CACHD1: variants seen among roughly 807,000 people sequenced by gnomAD.
CACHD1 encodes the protein cache domain containing 1.
CACHD1 carries 71 observed loss-of-function variants against 138.7 expected under a neutral mutation model. The ratio of observed to expected loss-of-function variants is 0.51; its 90% CI spans 0.42 to 0.62. The LOEUF (loss-of-function observed/expected upper bound fraction) is 0.62, where lower values mean the gene tolerates loss of function less well. CACHD1 is among the 20% of genes least tolerant of loss of function. The probability of loss-of-function intolerance (pLI) is 0.00; values close to 1 mark genes in which losing one functional copy is unlikely to be tolerated. For synonymous variants in CACHD1, 578 were observed against 591.5 expected (o/e 0.98, Z 0.33); for missense variants, 1,389 against 1,625.3 (o/e 0.85, Z 2.50).
At chr1:64,520,653 G>T (rs996640681) in intron 1 of CACHD1, among the ~76,000 whole-genome samples, 1 of 152,176 alleles carries the variant, frequency 6.6e-6, no homozygotes, top group East Asian at 1.9e-4. Flanking sequence ...CTAATGTCAC[G>T]CTGTAGGAGT....
intron 2 of CACHD1, among the ~76,000 whole-genome samples, chr1:64,552,476 T>G (rs530071904): frequency 2.8e-4 from 42 of 150,188 alleles, no homozygotes; most frequent in East Asian, 1.2e-3. Flanking sequence ...GTTTTGTTTT[T>G]TTTTTTTTTT....
intron 4 of CACHD1, among the ~76,000 whole-genome samples, chr1:64,605,070 G>A (rs929979865): frequency 3.3e-5 from 5 of 149,648 alleles, no homozygotes; most frequent in South Asian, 2.1e-4. Flanking sequence ...GGGTTCAAGC[G>A]ATTCTCCTGC....
chr1:64,580,962 T>A (rs922093620), intron 2 of CACHD1, among the ~76,000 whole-genome samples: 2 of 152,176 alleles, frequency 1.3e-5, no homozygotes, highest in African/African-American at 2.4e-5. Flanking sequence ...GTATTGTGAG[T>A]CATTTTGTAC....
intron 3 of CACHD1, among the ~76,000 whole-genome samples, chr1:64,592,801 C>G (rs1647117760): frequency 6.6e-6 from 1 of 152,110 alleles, no homozygotes; most frequent in Non-Finnish European, 1.5e-5. Context: ...AGTTGCTTGT[C>G]AAGTTGGGCC....
chr1:64,680,568 C>T (rs1650142381), intron 24 of CACHD1, among the ~76,000 whole-genome samples: 2 of 152,006 alleles, frequency 1.3e-5, no homozygotes. Context: ...AGTATCTATA[C>T]TCTGTTTAAG....
At chr1:64,480,287 G>C (rs2100271651) in intron 1 of CACHD1, among the ~76,000 whole-genome samples, 1 of 152,316 alleles carries the variant, frequency 6.6e-6, no homozygotes, top group East Asian at 1.9e-4. Flanking sequence ...GAGCACACCA[G>C]TAGTAAGTGA....
rs372942566 is a variant in CACHD1, at chr1:64,663,228, C to T, written c.1952-467C>T. On this transcript the variant is annotated intron_variant, in intron 13 of 26. Coordinates refer to ENST00000651257, the MANE Select transcript of CACHD1 (RefSeq NM_020925.4). ...ACTGGTTCATTCTTAGGACTGTAAG[C>T]TCCCTGAAGGGAGAGAATGTGGCCC... 9.5e-5 allele frequency among the ~76,000 whole-genome samples: 14 copies of T among 147,956 alleles called. 1 individual carries two copies. The highest frequency in any genetic ancestry group is 5.4e-4 in the Admixed American group (8 of 14,804).
In CACHD1 at chr1:64,554,739, A is replaced by G. The variant is rs1646783886; in HGVS notation, c.261+4083A>G. 2.0e-5 allele frequency among the ~76,000 whole-genome samples: 3 copies of G among 152,186 alleles called. No homozygotes were observed. In the South Asian group the frequency reaches 6.2e-4, roughly 31 times the overall value. On this transcript the variant is annotated intron_variant, in intron 2 of 26. Transcript: ENST00000651257. ...AGTTTAAAAATGCTGTATATGTTCTAGATCAGTGCTGTCCAAAGAGAACTT... is the reference window on the plus strand; with the variant it reads ...AGTTTAAAAATGCTGTATATGTTCTGGATCAGTGCTGTCCAAAGAGAACTT...
chr1:64,472,435 G>A (rs1028165546), intron 1 of CACHD1, among the ~76,000 whole-genome samples: 1 of 152,190 alleles, frequency 6.6e-6, no homozygotes, highest in Non-Finnish European at 1.5e-5. Flanking sequence ...ACTGAGGAGT[G>A]GATGGATTTT....
At chr1:64,644,493 T>C (rs1570446640) in intron 8 of CACHD1, among the ~76,000 whole-genome samples, 2 of 152,240 alleles carry the variant, frequency 1.3e-5, no homozygotes, top group African/African-American at 4.8e-5. Context: ...GGCAGATACT[T>C]CTTTACTTCC....
chr1:64,631,666 T>C (rs886843887), intron 5 of CACHD1, among the ~76,000 whole-genome samples: 2 of 152,206 alleles, frequency 1.3e-5, no homozygotes, highest in African/African-American at 2.4e-5. Context: ...AAACTGTGAA[T>C]AGAGACCTCA....
chr1:64,573,885 G>C (rs1646945930), intron 2 of CACHD1, among the ~76,000 whole-genome samples: 1 of 152,228 alleles, frequency 6.6e-6, no homozygotes, highest in Non-Finnish European at 1.5e-5. Context: ...ATGTCACACA[G>C]TGCCCTAAAC....
intron 4 of CACHD1, among the ~76,000 whole-genome samples, chr1:64,627,380 C>A (rs987338980): frequency 3.9e-5 from 6 of 152,136 alleles, no homozygotes; most frequent in African/African-American, 1.4e-4. Context: ...GCATTCCCAC[C>A]TGGGCGACAG....
intron 2 of CACHD1, among the ~76,000 whole-genome samples, chr1:64,556,246 A>G (rs1000405944): frequency 6.6e-6 from 1 of 152,214 alleles, no homozygotes; most frequent in Non-Finnish European, 1.5e-5. Flanking sequence ...GCAATTCACC[A>G]GTTTCCCCAC....
intron 4 of CACHD1, among the ~76,000 whole-genome samples, chr1:64,611,892 C>G (rs1647545354): frequency 6.6e-6 from 1 of 152,208 alleles, no homozygotes. Flanking sequence ...CTACATGAGA[C>G]TGAGGAGTTT....
At chr1:64,558,344 TG>T (rs1405920282) in intron 2 of CACHD1, among the ~76,000 whole-genome samples, 2 of 152,356 alleles carry the variant, frequency 1.3e-5, no homozygotes, top group Admixed American at 1.3e-4. Context: ...AAGATCCCCA[TG>T]GGCCCTCACC....
At chr1:64,648,659 TTTG>T (rs1274050298) in intron 9 of CACHD1, among the ~76,000 whole-genome samples, 6 of 152,232 alleles carry the variant, frequency 3.9e-5, no homozygotes, top group Admixed American at 3.3e-4. Flanking sequence ...GTATTTTACC[TTTG>T]TTGTTATCAT....
At chr1:64,662,584 A>G (rs1376221241) in intron 13 of CACHD1, among the ~76,000 whole-genome samples, 2 of 152,208 alleles carry the variant, frequency 1.3e-5, no homozygotes, top group Non-Finnish European at 2.9e-5. Flanking sequence ...AGAACTAACA[A>G]AAGGAGTAGA....
rs372100621 is a variant in CACHD1 at position 64,688,219 on chromosome 1, A to G, written c.3587-3104A>G. Among the ~76,000 whole-genome samples the G allele has an allele frequency of 1.1e-4, 17 of 152,230 alleles. 1 individual carries two copies. In the East Asian group the frequency reaches 1.4e-3, roughly 12 times the overall value. ...AGCAGAGACGGGAAGCTATCCAGGA[A>G]GTGTTTGAATAATCACTGGGATTTT... On this transcript the variant is annotated intron_variant, in intron 26 of 26. Transcript: ENST00000651257.
Sources: allele counts gnomAD v4.1 joint callset (sites outside exome capture counted in the v4.1 genomes callset), GRCh38; gene constraint gnomAD v4.1.1; transcripts MANE v1.5; gene names NCBI Gene and HGNC (gene_info 2026-07-23, HGNC 2026-07-21).